Variants in TLE2 observed in about 807,000 individuals in gnomAD.
TLE2 encodes transducin-like enhancer protein 2.
In TLE2, 74 loss-of-function variants were observed where a neutral mutation model predicts 97.2. That is an observed-to-expected ratio of 0.76 (90% CI 0.63 to 0.92). The LOEUF (loss-of-function observed/expected upper bound fraction) is 0.92, where lower values mean the gene tolerates loss of function less well. TLE2 is among the 40% of genes least tolerant of loss of function. The pLI is 0.00. For missense variants in TLE2, 1,038 were observed against 1,008.7 expected, an observed-to-expected ratio of 1.03 and a Z score of -0.39; for synonymous variants, 499 against 432.1, an observed-to-expected ratio of 1.15 and a Z score of -1.92.
Position 3,015,660 on chromosome 19 carries a change from C to A in TLE2, c.671G>T (p.Gly224Val), listed in dbSNP as rs750921334. 6.8e-6 allele frequency: 11 copies of A among 1,607,598 alleles called. No homozygotes were observed. The East Asian group carries it at 2.5e-4, about 36-fold the overall frequency. The part of the protein sequence containing the change: ...KQRADEKEPS[G>V]PYESDEDKSD... Reference sequence around the variant, plus strand: ...GCACCTGCCCCCACTCACATAAGGTCCTGATGGCTCCTTCTCATCTGCTCT... The same window carrying A: ...GCACCTGCCCCCACTCACATAAGGTACTGATGGCTCCTTCTCATCTGCTCT... The change falls in exon 9 of 20, where the codon GGA becomes GTA. Residue 224 changes from glycine to valine, a missense_variant. Transcript: ENST00000262953.
chr19:3,017,128 T>A lies in TLE2; in HGVS notation c.570+712A>T, dbSNP rs546642228. ...CCGGGCTATGGATCTTGTTTTTTTA[T>A]TGTTGTGGTTGCTGTTGTTTGTTTT... On this transcript the variant is annotated intron_variant, in intron 8 of 19. Coordinates refer to ENST00000262953, the MANE Select transcript of TLE2 (RefSeq NM_003260.5). Among the ~76,000 whole-genome samples the A allele has an allele frequency of 1.9e-3, 286 of 151,622 alleles. 1 individual carries two copies. The highest frequency in any genetic ancestry group is 3.8e-3 in the Non-Finnish European group (255 of 67,900).
rs374079338 is a variant in TLE2 at position 3,009,710 on chromosome 19, G to A, written c.1013-8C>T. 49 of 1,605,498 alleles carry A rather than the reference G, an allele frequency of 3.1e-5. No homozygotes were observed. Among genetic ancestry groups the A allele is most frequent in the African/African-American group, 2.7e-4 (20 of 74,870 alleles). On this transcript the variant is annotated splice_region_variant and splice_polypyrimidine_tract_variant and intron_variant, in intron 12 of 19. Transcript: ENST00000262953. Reference sequence around the variant, plus strand: ...TCAGGGGGCTCCTCAGGGCTGAGACGGAAGAGTCGGGGACAGGTTTTGACG... The same window carrying A: ...TCAGGGGGCTCCTCAGGGCTGAGACAGAAGAGTCGGGGACAGGTTTTGACG...
At chr19:3,040,070 C>T (rs897461344) in intron 1 of TLE2, among the ~76,000 whole-genome samples, 1 of 152,224 alleles carries the variant, frequency 6.6e-6, no homozygotes, top group Non-Finnish European at 1.5e-5. Context: ...GCTGGCACCA[C>T]AGACAAACCC....
In TLE2 at chr19:3,005,793, G is replaced by T. The variant is rs1200941522; in HGVS notation, c.1676C>A (p.Ala559Asp). The change falls in exon 16 of 20, where the codon GCC becomes GAC. Residue 559 changes from alanine (A) to aspartate (D), a missense_variant. Transcript: ENST00000262953. ...GCTGCAGCAGGAGAAGCAAACCTTG[G>T]CGTCGGGGCTGACGGCCAGGGCGTA... is the stretch of plus-strand genomic sequence containing the variant. Reference protein sequence around the residue: ...ACYALAVSPDAKVCFSCCSDG... With the variant: ...ACYALAVSPDDKVCFSCCSDG... The T allele has an allele frequency of 6.2e-7, 1 of 1,613,874 alleles. No homozygotes were observed. The highest frequency in any genetic ancestry group is 8.5e-7 in the Non-Finnish European group (1 of 1,179,868).
At position 3,028,801 on chromosome 19, in the gene TLE2, G is replaced by A; in HGVS notation, c.27C>T (p.Thr9=). 1.2e-6 allele frequency: 2 copies of A among 1,612,592 alleles called. No individual in the cohort carries two copies. The highest frequency in any genetic ancestry group is 8.5e-7 in the Non-Finnish European group (1 of 1,179,824). Residue 9 remains threonine, a splice_region_variant and synonymous_variant, in exon 2 of 20, where the codon ACC becomes ACT. Transcript: ENST00000262953. MYPQGRHP[T]PLQSGQPFKF... is the part of the protein sequence containing the mutation. Reference sequence around the variant, plus strand: ...TGAAGGGCTGGCCGGACTGGAGCGGGGTCTGGGGGGGGTGTGGGGGAAACG... The same window carrying A: ...TGAAGGGCTGGCCGGACTGGAGCGGAGTCTGGGGGGGGTGTGGGGGAAACG...
intron 19 of TLE2, among the ~76,000 whole-genome samples, chr19:2,998,243 GTGT>G (rs1348459663): frequency 3.0e-3 from 233 of 77,610 alleles, no homozygotes; most frequent in African/African-American, 0.011. Context: ...GCCAATGTGT[GTGT>G]GTGTGTGTGT....
intron 17 of TLE2, 39 bp from the exon 18 acceptor site, chr19:3,002,542 T>G: frequency 6.5e-7 from 1 of 1,538,466 alleles, no homozygotes; most frequent in Non-Finnish European, 8.7e-7. Context: ...CACGAGCCCC[T>G]CTTTGTTTTG....
rs138071704 is a variant in TLE2, at chr19:3,043,547, C to T, written c.63+2179G>A. Among the ~76,000 whole-genome samples, 1,331 of 151,522 alleles carry T rather than the reference C, an allele frequency of 8.8e-3. 20 individuals carry two copies. The highest frequency in any genetic ancestry group is 0.028 in the African/African-American group (1,156 of 41,284). On this transcript the variant is annotated intron_variant, in intron 1 of 18. Coordinates refer to the TLE2 transcript ENST00000426948. The stretch of plus-strand genomic sequence containing the variant: ...GCATCATGGGTCGCACCTGTAATCC[C>T]GGCAGTTTGGGAGGCCAAGACGAGC...
At chr19:3,022,805 T>C in intron 5 of TLE2, among the ~76,000 whole-genome samples, 1 of 151,950 alleles carries the variant, frequency 6.6e-6, no homozygotes, top group Middle Eastern at 3.2e-3. Context: ...GTTGGAAGAC[T>C]TTCTAGAAAG....
chr19:3,029,239 G>A lies in TLE2; in HGVS notation c.-335C>T, dbSNP rs1654062043. Reference sequence around the variant, plus strand: ...GGTTTCGGTGGCGGCGGCGCGGGCGGCGGGCCCCGCGCGGAGCCGCCTCCC... The same window carrying A: ...GGTTTCGGTGGCGGCGGCGCGGGCGACGGGCCCCGCGCGGAGCCGCCTCCC... On this transcript the variant is annotated 5_prime_UTR_variant, in exon 1 of 20. Coordinates refer to ENST00000262953, the MANE Select transcript of TLE2 (RefSeq NM_003260.5). 3.6e-6 allele frequency: 1 copy of A among 279,348 alleles called. No homozygotes were observed. The highest frequency in any genetic ancestry group is 6.7e-5 in the Admixed American group (1 of 14,854). 17.3% of individuals were successfully genotyped at this position (279,348 alleles called of 1,614,324 possible).
chr19:3,042,228 G>T (rs2090109228), intron 1 of TLE2, among the ~76,000 whole-genome samples: 1 of 133,910 alleles, frequency 7.5e-6, no homozygotes, highest in African/African-American at 2.9e-5. Flanking sequence ...GGAGGGGAGG[G>T]GAGAGGAGGG....
intron 8 of TLE2, among the ~76,000 whole-genome samples, chr19:3,017,214 T>G (rs970851214): frequency 6.8e-6 from 1 of 146,414 alleles, no homozygotes; most frequent in Non-Finnish European, 1.5e-5. Context: ...CTCGGCTCAC[T>G]GCAACCTCTG....
At chr19:3,039,525 C>T (rs888117129) in intron 1 of TLE2, among the ~76,000 whole-genome samples, 1 of 152,062 alleles carries the variant, frequency 6.6e-6, no homozygotes, top group Admixed American at 6.6e-5. Context: ...ACATCACATC[C>T]TAGAGAGGCC....
In TLE2 at chr19:3,019,570, C is replaced by T; in HGVS notation, c.370-107G>A. 2 of 1,500,320 alleles carry T rather than the reference C, an allele frequency of 1.3e-6. No individual in the cohort carries two copies. The highest frequency in any genetic ancestry group is 1.3e-5 in the South Asian group (1 of 75,908). 92.9% of individuals were successfully genotyped at this position (1,500,320 alleles called of 1,614,324 possible). A position where few individuals can be genotyped will look rare whatever the true frequency, so the allele number is the denominator to read the frequency against. On this transcript the variant is annotated intron_variant, in intron 6 of 19. Coordinates refer to ENST00000262953, the MANE Select transcript of TLE2 (RefSeq NM_003260.5). The surrounding 1 kb of genome is among the most constrained non-coding windows in gnomAD (Gnocchi z 5.1). Reference sequence around the variant, plus strand: ...GATGGGACCTAAGCACAGCATGTGCCCCTGGGGTTCCCAGGACCACTGGAG... The same window carrying T: ...GATGGGACCTAAGCACAGCATGTGCTCCTGGGGTTCCCAGGACCACTGGAG...
chr19:3,046,183 C>T (rs537847805), upstream of TLE2, among the ~76,000 whole-genome samples: 5 of 152,310 alleles, frequency 3.3e-5, no homozygotes, highest in East Asian at 9.7e-4. Flanking sequence ...GTCCGTGGGC[C>T]TCAGTTTTCC....
At position 3,014,754 on chromosome 19, in the gene TLE2, C is replaced by T. The variant is rs1195305661; in HGVS notation, c.679-140G>A. 4 of 794,260 alleles carry T rather than the reference C, an allele frequency of 5.0e-6. No homozygotes were observed. In the African/African-American group the frequency reaches 7.4e-5, roughly 15 times the overall value. The allele number at this position is 794,260 out of a possible 1,614,324, so 49.2% of individuals were successfully genotyped here. ...ATTCTCAGACCACTGCACCCGTTTGCTCATAGCAGAAGGGAAGGCTGCACG... is the reference window on the plus strand; with the variant it reads ...ATTCTCAGACCACTGCACCCGTTTGTTCATAGCAGAAGGGAAGGCTGCACG... On this transcript the variant is annotated intron_variant, in intron 9 of 19. Coordinates refer to ENST00000262953, the MANE Select transcript of TLE2 (RefSeq NM_003260.5).
intron 17 of TLE2, 61 bp from the exon 18 acceptor site, chr19:3,002,564 G>A (rs918874133): frequency 2.6e-6 from 4 of 1,520,214 alleles, no homozygotes; most frequent in Admixed American, 4.2e-5. Context: ...GTTGAGACAG[G>A]GTCTCACTCC....
At chr19:3,026,455 T>A (rs797006873) in intron 4 of TLE2, among the ~76,000 whole-genome samples, 2,014 of 111,250 alleles carry the variant, frequency 0.018, 54 homozygotes, top group African/African-American at 0.055. Context: ...TCTCAAAATT[T>A]AAAAAAAAAA....
At chr19:3,000,178 T>G (rs1039535780) in intron 19 of TLE2, among the ~76,000 whole-genome samples, 14 of 151,044 alleles carry the variant, frequency 9.3e-5, no homozygotes, top group African/African-American at 3.4e-4. Flanking sequence ...TTCATGCCAT[T>G]CTCCTGCCTC....
Sources: allele counts gnomAD v4.1 joint callset (sites outside exome capture counted in the v4.1 genomes callset), GRCh38; gene constraint gnomAD v4.1.1; non-coding constraint Gnocchi (gnomAD v3.1); transcripts MANE v1.5; gene names NCBI Gene and HGNC (gene_info 2026-07-23, HGNC 2026-07-21).